DNAH11: variants seen among roughly 807,000 people sequenced by gnomAD.
DNAH11 encodes the protein axonemal beta dynein heavy chain 11.
A neutral mutation model predicts 526.0 loss-of-function variants in DNAH11; 442 were observed. The observed-to-expected ratio is 0.84, with a 90% CI of 0.78 to 0.91. The LOEUF (loss-of-function observed/expected upper bound fraction) is 0.91, where lower values mean the gene tolerates loss of function less well. Ranked by LOEUF, DNAH11 falls within the 40% of genes least tolerant of loss-of-function variation. The pLI is 0.00. For missense variants in DNAH11, 6,989 were observed against 5,448.7 expected (o/e 1.28, Z -8.90); for synonymous variants, 2,461 against 1,935.9 (o/e 1.27, Z -7.12).
chr7:21,642,000 CA>C (rs1787151918), intron 28 of DNAH11, among the ~76,000 whole-genome samples: 2 of 152,272 alleles, frequency 1.3e-5, no homozygotes, highest in South Asian at 4.1e-4. Context: ...ACCACGCTAA[CA>C]AAGGGAGGTG....
intron 6 of DNAH11, among the ~76,000 whole-genome samples, chr7:21,567,007 T>C (rs917746499): frequency 1.3e-5 from 2 of 152,216 alleles, no homozygotes; most frequent in African/African-American, 4.8e-5. Flanking sequence ...ATCCCCTCTT[T>C]TGACTGGAAT....
chr7:21,601,121 A>G lies in DNAH11; in HGVS notation c.3367A>G (p.Ile1123Val). Reference protein sequence around the residue: ...MKPFKVSLLTIIKKWSWMFQE... With the variant: ...MKPFKVSLLTVIKKWSWMFQE... ...GCCTTTCAAAGTGAGCTTGTTAACC[A>G]TAATTAAGAAATGGAGCTGGATGTT... Residue 1123 changes from isoleucine (I) to valine (V), a missense_variant, in exon 17 of 82, where the codon ATA (isoleucine) becomes GTA (valine). Physicochemically the swap from Ile to Val is conservative, Grantham distance 29. Transcript: ENST00000409508. The G allele has an allele frequency of 6.8e-6, 11 of 1,610,288 alleles. No homozygotes were observed. Among genetic ancestry groups the G allele is most frequent in the Non-Finnish European group, 9.3e-6 (11 of 1,179,256 alleles).
chr7:21,580,401 A>G (rs1784264421), intron 8 of DNAH11, among the ~76,000 whole-genome samples: 1 of 152,210 alleles, frequency 6.6e-6, no homozygotes, highest in South Asian at 2.1e-4. Flanking sequence ...TGCTAAATAT[A>G]ACATTGTGGT....
intron 2 of DNAH11, among the ~76,000 whole-genome samples, chr7:21,548,210 C>G (rs1015693326): frequency 6.7e-6 from 1 of 149,924 alleles, no homozygotes; most frequent in East Asian, 2.0e-4. Flanking sequence ...GACAACACTT[C>G]CCACCCAGCA....
At position 21,600,140 on chromosome 7, in the gene DNAH11, T is replaced by A. The variant is rs534947925; in HGVS notation, c.3000+21T>A. ...ATCAGGTATTTTCTTAGTAAATGGG[T>A]ATTTAGCTTTTATATTAATGATTCA... On this transcript the variant is annotated intron_variant, in intron 15 of 81. Coordinates refer to ENST00000409508, the MANE Select transcript of DNAH11 (RefSeq NM_001277115.2). 4 of 1,513,640 alleles carry A rather than the reference T, an allele frequency of 2.6e-6. No individual in the cohort carries two copies. The South Asian group carries it at 5.5e-5, about 21-fold the overall frequency. The allele number at this position is 1,513,640 out of a possible 1,614,324, so 93.8% of individuals were successfully genotyped here.
chr7:21,888,291 A>C (rs541689742), intron 76 of DNAH11, among the ~76,000 whole-genome samples: 9 of 152,320 alleles, frequency 5.9e-5, no homozygotes, highest in African/African-American at 2.2e-4. Context: ...GTTTAAATTC[A>C]CAATGAACTG....
At chr7:21,789,142 C>A in intron 60 of DNAH11, 99 bp from the exon 61 acceptor site, 1 of 871,480 alleles carries the variant, frequency 1.1e-6, no homozygotes, top group Non-Finnish European at 1.8e-6. Flanking sequence ...AGAGAAGTTG[C>A]TAGATGAATT....
intron 73 of DNAH11, among the ~76,000 whole-genome samples, chr7:21,871,205 A>T (rs997393891): frequency 6.6e-6 from 1 of 152,226 alleles, no homozygotes; most frequent in Non-Finnish European, 1.5e-5. Context: ...GCCGGCAACT[A>T]TCTTTATCTC....
intron 61 of DNAH11, among the ~76,000 whole-genome samples, chr7:21,796,121 A>G (rs1351050890): frequency 6.6e-6 from 1 of 152,238 alleles, no homozygotes; most frequent in African/African-American, 2.4e-5. Flanking sequence ...ATAGGCCAGA[A>G]TATACTAAGC....
chr7:21,901,728 T>TGAAGGA lies in DNAH11; in HGVS notation c.*475_*480dup, dbSNP rs1784874075. ...AAAGCAGCAGGCCCCAGGTGAGTCC[T>TGAAGGA]GAAGGAAGAGGCTAGCACTCTGTAA... On this transcript the variant is annotated 3_prime_UTR_variant, in exon 82 of 82. Coordinates refer to ENST00000409508, the MANE Select transcript of DNAH11 (RefSeq NM_001277115.2). 1 of 153,980 alleles carries TGAAGGA rather than the reference T, an allele frequency of 6.5e-6. No homozygotes were observed. The highest frequency in any genetic ancestry group is 2.1e-4 in the South Asian group (1 of 4,848). 9.5% of individuals were successfully genotyped at this position (153,980 alleles called of 1,614,324 possible). A position where few individuals can be genotyped will look rare whatever the true frequency, so the allele number is the denominator to read the frequency against.
In DNAH11 at chr7:21,899,345, C is replaced by T. The variant is rs1784653474; in HGVS notation, c.13059C>T (p.Asp4353=). Residue 4353 remains aspartate (D), a synonymous_variant, in exon 80 of 82, where the codon GAC becomes GAT. Coordinates refer to ENST00000409508, the MANE Select transcript of DNAH11 (RefSeq NM_001277115.2). ...CCCTCCCATAAACCAGGTTCAATGACCTCCTCCTGCGATGCCGAGAACTCG... is the reference window on the plus strand; with the variant it reads ...CCCTCCCATAAACCAGGTTCAATGATCTCCTCCTGCGATGCCGAGAACTCG... ...STYGLAQWFN[D]LLLRCRELDT... is the part of the protein sequence containing the mutation. The T allele has an allele frequency of 6.2e-7, 1 of 1,613,792 alleles. No homozygotes were observed. The highest frequency in any genetic ancestry group is 8.5e-7 in the Non-Finnish European group (1 of 1,179,812).
intron 64 of DNAH11, among the ~76,000 whole-genome samples, chr7:21,817,979 GATTT>G (rs1789877856): frequency 6.6e-6 from 1 of 152,042 alleles, no homozygotes; most frequent in Admixed American, 6.6e-5. Context: ...TCTATACATA[GATTT>G]ATTAGTTCAA....
rs1783249574 is a variant in DNAH11, at chr7:21,683,851, A to G, written c.5528A>G (p.His1843Arg). The G allele has an allele frequency of 6.2e-7, 1 of 1,613,578 alleles. No homozygotes were observed. Among genetic ancestry groups the G allele is most frequent in the Non-Finnish European group, 8.5e-7 (1 of 1,179,672 alleles). Residue 1843 changes from histidine (H) to arginine (R), a missense_variant, in exon 32 of 82, where the codon CAC becomes CGC. Physicochemically the swap from His to Arg is conservative, Grantham distance 29 (BLOSUM62 0). Transcript: ENST00000409508. ...CACCGATGGGAGGATACCCAGAAACACTGCTTTGTTAATATTTGTGATGCC... is the reference window on the plus strand; with the variant it reads ...CACCGATGGGAGGATACCCAGAAACGCTGCTTTGTTAATATTTGTGATGCC... ...LRHRWEDTQK[H>R]CFVNICDAQF...
chr7:21,838,772 C>T (rs1782091423), intron 65 of DNAH11, among the ~76,000 whole-genome samples: 1 of 150,442 alleles, frequency 6.6e-6, no homozygotes. Flanking sequence ...CTCTGTTGCC[C>T]AGGCTGGAGT....
rs765073742 is a variant in DNAH11, at chr7:21,786,624, G to A, written c.9598G>A (p.Val3200Ile). Residue 3200 changes from valine (V) to isoleucine (I), a missense_variant and splice_region_variant, in exon 59 of 82, where the codon GTC becomes ATC. Coordinates refer to ENST00000409508, the MANE Select transcript of DNAH11 (RefSeq NM_001277115.2). ...CGTGTTTCTGTGTGCTTTTCTTCAG[G>A]TCAACCTCAGTGAGCTGAAAGCCTT... ...ATAALNTLNR[V>I]NLSELKAFPN... The A allele has an allele frequency of 8.1e-6, 13 of 1,609,982 alleles. No homozygotes were observed. The highest frequency in any genetic ancestry group is 1.7e-5 in the Admixed American group (1 of 59,926).
chr7:21,769,569 C>A (rs1249861136), intron 55 of DNAH11, among the ~76,000 whole-genome samples: 1 of 151,978 alleles, frequency 6.6e-6, no homozygotes, highest in Admixed American at 6.6e-5. Flanking sequence ...ACTGCAACTT[C>A]CGCCTCTCGG....
At chr7:21,845,199 C>G (rs1191770674) in intron 66 of DNAH11, among the ~76,000 whole-genome samples, 1 of 152,106 alleles carries the variant, frequency 6.6e-6, no homozygotes, top group East Asian at 1.9e-4. Flanking sequence ...TGTTGGTGTC[C>G]TTTGAAGCAC....
chr7:21,852,708 G>T, intron 67 of DNAH11, 77 bp downstream of exon 67: 1 of 1,447,038 alleles, frequency 6.9e-7, no homozygotes, highest in Admixed American at 2.4e-5. Context: ...AGTGTGATCA[G>T]ACTTGGTAAT....
intron 68 of DNAH11, 60 bp from the exon 69 acceptor site, chr7:21,861,793 G>A: frequency 1.3e-6 from 2 of 1,592,576 alleles, no homozygotes; most frequent in Non-Finnish European, 1.7e-6. Context: ...TGTGTATCGG[G>A]GGTAGCTAGA....
Sources: gnomAD v4.1 joint callset for allele counts (sites outside exome capture counted in the v4.1 genomes callset) on GRCh38, gnomAD v4.1.1 for gene constraint, MANE v1.5 for transcripts, NCBI Gene and HGNC (gene_info 2026-07-23, HGNC 2026-07-21) for gene names.